The following RAD23B variants were observed in gnomAD, a reference collection of about 807,000 sequenced individuals.
The protein encoded by RAD23B is lysine-specific demethylase RAD23B.
In RAD23B, 5 loss-of-function variants were observed where a neutral mutation model predicts 49.1. The ratio of observed to expected loss-of-function variants is 0.10; its 90% CI spans 0.05 to 0.21. The LOEUF (loss-of-function observed/expected upper bound fraction) is 0.21, where lower values mean the gene tolerates loss of function less well. Among genes scored for constraint, RAD23B ranks in the 10% least tolerant of loss-of-function variants. RAD23B has a pLI of 1.00. For missense variants in RAD23B, 356 were observed against 486.7 expected, an observed-to-expected ratio of 0.73 and a Z score of 2.53; for synonymous variants, 184 against 165.4, an observed-to-expected ratio of 1.11 and a Z score of -0.86.
At chr9:107,303,055 G>A (rs980763616) in intron 3 of RAD23B, among the ~76,000 whole-genome samples, 4 of 152,068 alleles carry the variant, frequency 2.6e-5, no homozygotes, top group Non-Finnish European at 5.9e-5. Flanking sequence ...GAATGAACAT[G>A]GATTTTTTTA....
intron 3 of RAD23B, among the ~76,000 whole-genome samples, chr9:107,303,481 C>T (rs961637038): frequency 1.3e-5 from 2 of 152,078 alleles, no homozygotes; most frequent in South Asian, 2.1e-4. Flanking sequence ...CAAGCAGAAT[C>T]GTGAGGAAAC....
chr9:107,306,744 ATC>A lies in RAD23B; in HGVS notation c.497+99_497+100del. 7.5e-6 allele frequency: 10 copies of A among 1,327,794 alleles called. No homozygotes were observed. In the South Asian group the frequency reaches 1.3e-4, roughly 17 times the overall value. The allele number at this position is 1,327,794 out of a possible 1,614,324, so 82.3% of individuals were successfully genotyped here. On this transcript the variant is annotated intron_variant, in intron 4 of 9. Transcript: ENST00000358015. ...TTATTGTTTTGATCAAACCGACTAT[ATC>A]TATTACGTTAAGCTTTTTTTAAATG... is the stretch of plus-strand genomic sequence containing the variant.
At chr9:107,315,749 G>C (rs1000139911) in intron 5 of RAD23B, among the ~76,000 whole-genome samples, 4 of 151,802 alleles carry the variant, frequency 2.6e-5, no homozygotes, top group African/African-American at 9.7e-5. Context: ...CCTGATCTTA[G>C]GTGATCCGCC....
chr9:107,283,635 G>A lies in RAD23B; in HGVS notation c.6G>A (p.Gln2=), dbSNP rs1833203787. The A allele has an allele frequency of 6.7e-7, 1 of 1,482,224 alleles. No individual in the cohort carries two copies. The highest frequency in any genetic ancestry group is 1.3e-5 in the South Asian group (1 of 78,438). 91.8% of individuals were successfully genotyped at this position (1,482,224 alleles called of 1,614,324 possible). The change falls in exon 1 of 10, where the codon CAG becomes CAA. Residue 2 remains glutamine, a synonymous_variant. Coordinates refer to ENST00000358015, the MANE Select transcript of RAD23B (RefSeq NM_002874.5). M[Q]VTLKTLQQQT... ...CCGAGCTGCGCGGCGGCACCATGCA[G>A]GTCACCCTGAAGACCCTCCAGCAGC...
chr9:107,312,211 A>G (rs905052745), intron 5 of RAD23B, among the ~76,000 whole-genome samples: 1 of 152,194 alleles, frequency 6.6e-6, no homozygotes, highest in African/African-American at 2.4e-5. Context: ...AATTTTACCT[A>G]CTGAATAATG....
intron 1 of RAD23B, among the ~76,000 whole-genome samples, chr9:107,290,519 C>A (rs1418189107): frequency 1.3e-5 from 2 of 152,170 alleles, no homozygotes; most frequent in Non-Finnish European, 2.9e-5. Flanking sequence ...ATCCACCATA[C>A]TGTTCCTAAA....
chr9:107,300,025 T>C, intron 1 of RAD23B, 116 bp from the exon 2 acceptor site: 1 of 1,293,454 alleles, frequency 7.7e-7, no homozygotes, highest in Non-Finnish European at 1.0e-6. Flanking sequence ...ATATTTGAGG[T>C]TTTGGAAACA....
At chr9:107,314,286 G>A (rs982547560) in intron 5 of RAD23B, among the ~76,000 whole-genome samples, 8 of 152,148 alleles carry the variant, frequency 5.3e-5, no homozygotes, top group African/African-American at 1.9e-4. Flanking sequence ...GGCTTTTAGT[G>A]TAGCCATCAC....
At position 107,311,650 on chromosome 9, in the gene RAD23B, T is replaced by C. The variant is rs1418424408; in HGVS notation, c.498-32T>C. On this transcript the variant is annotated intron_variant, in intron 4 of 9. Transcript: ENST00000358015. Reference sequence around the variant, plus strand: ...TGTAAATTAAATTTTATATACTTTTTAAAATGTGATTTTTCTAAAATCCTT... The same window carrying C: ...TGTAAATTAAATTTTATATACTTTTCAAAATGTGATTTTTCTAAAATCCTT... 2.6e-6 allele frequency: 4 copies of C among 1,511,540 alleles called. No homozygotes were observed. The East Asian group carries it at 9.3e-5, about 35-fold the overall frequency. 93.6% of individuals were successfully genotyped at this position (1,511,540 alleles called of 1,614,324 possible).
At chr9:107,323,833 C>T in intron 7 of RAD23B, 57 bp from the exon 8 acceptor site, 5 of 1,463,484 alleles carry the variant, frequency 3.4e-6, no homozygotes, top group Non-Finnish European at 4.8e-6. Context: ...TATTATTTAA[C>T]CACTGTTTGT....
chr9:107,303,657 T>C (rs1017433319), intron 3 of RAD23B, among the ~76,000 whole-genome samples: 1 of 152,214 alleles, frequency 6.6e-6, no homozygotes, highest in African/African-American at 2.4e-5. Flanking sequence ...GACTGGCTTA[T>C]TTCACTTAGC....
Position 107,306,507 on chromosome 9 carries a change from C to T in RAD23B, c.357C>T (p.Pro119=). ...CAACCCCTGTCCCTGCCTTGGCCCC[C>T]ACTTCCACACCTGCATCCATCACTC... ...QAPTPVPALA[P]TSTPASITPA... The change falls in exon 4 of 10, where the codon CCC becomes CCT. Residue 119 remains proline (P), a synonymous_variant. Coordinates refer to ENST00000358015, the MANE Select transcript of RAD23B (RefSeq NM_002874.5). 1 of 1,614,196 alleles carries T rather than the reference C, an allele frequency of 6.2e-7. No individual in the cohort carries two copies. The highest frequency in any genetic ancestry group is 8.5e-7 in the Non-Finnish European group (1 of 1,180,032).
chr9:107,315,745 C>G (rs976572305), intron 5 of RAD23B, among the ~76,000 whole-genome samples: 8 of 152,018 alleles, frequency 5.3e-5, no homozygotes, highest in Non-Finnish European at 5.9e-5. Context: ...AACTCCTGAT[C>G]TTAGGTGATC....
chr9:107,317,887 T>A (rs1438938426), intron 5 of RAD23B, among the ~76,000 whole-genome samples: 2 of 152,058 alleles, frequency 1.3e-5, no homozygotes, highest in African/African-American at 4.8e-5. Context: ...GTACAAGATT[T>A]TAACTTTCTA....
intron 1 of RAD23B, among the ~76,000 whole-genome samples, chr9:107,293,239 A>G (rs1833419580): frequency 6.6e-6 from 1 of 152,240 alleles, no homozygotes; most frequent in Admixed American, 6.5e-5. Context: ...CCAGCCTCAG[A>G]AGTCACACTT....
chr9:107,293,991 A>AC (rs1833437507), intron 1 of RAD23B, among the ~76,000 whole-genome samples: 1 of 152,200 alleles, frequency 6.6e-6, no homozygotes, highest in South Asian at 2.1e-4. Context: ...CACTATGTTG[A>AC]CCAGGCTGAC....
chr9:107,317,782 A>G (rs1172526488), intron 5 of RAD23B, among the ~76,000 whole-genome samples: 1 of 152,052 alleles, frequency 6.6e-6, no homozygotes, highest in African/African-American at 2.4e-5. Flanking sequence ...TCATTTATTC[A>G]GAGTGTTGTC....
chr9:107,317,967 C>T (rs1827028508), intron 5 of RAD23B, among the ~76,000 whole-genome samples: 3 of 152,078 alleles, frequency 2.0e-5, no homozygotes, highest in African/African-American at 4.8e-5. Flanking sequence ...CTTGTTCCAT[C>T]GGAGTTGATG....
intron 9 of RAD23B, 47 bp from the exon 10 acceptor site, chr9:107,329,496 G>T (rs757825440): frequency 2.1e-5 from 24 of 1,138,574 alleles, no homozygotes; most frequent in Non-Finnish European, 2.7e-5. Flanking sequence ...AATTAAATGT[G>T]CCATAATTGG....
Sources: gnomAD v4.1 joint callset for allele counts (sites outside exome capture counted in the v4.1 genomes callset) on GRCh38, gnomAD v4.1.1 for gene constraint, MANE v1.5 for transcripts, NCBI Gene and HGNC (gene_info 2026-07-23, HGNC 2026-07-21) for gene names.